Variants in MAP2K6 observed in about 807,000 individuals in gnomAD.
MAP2K6 encodes the protein dual specificity mitogen-activated protein kinase kinase 6.
Under a neutral mutation model 53.7 loss-of-function variants are expected in MAP2K6, and 16 were observed. That is an observed-to-expected ratio of 0.30 (90% CI 0.20 to 0.45). The LOEUF (loss-of-function observed/expected upper bound fraction) is 0.45, where lower values mean the gene tolerates loss of function less well. MAP2K6 is among the 20% of genes least tolerant of loss of function. The pLI, the probability that MAP2K6 is intolerant of heterozygous loss-of-function variation, is 1.00. For missense variants in MAP2K6, 204 were observed against 411.9 expected (o/e 0.50, Z 4.37); for synonymous variants, 132 against 143.1 (o/e 0.92, Z 0.55).
chr17:69,460,978 G>A (rs1390664966), intron 1 of MAP2K6, among the ~76,000 whole-genome samples: 1 of 152,192 alleles, frequency 6.6e-6, no homozygotes, highest in Non-Finnish European at 1.5e-5. Context: ...CACGGGGAAA[G>A]AATAGGCTGA....
chr17:69,524,203 A>C (rs896742959), intron 8 of MAP2K6, among the ~76,000 whole-genome samples: 10 of 152,110 alleles, frequency 6.6e-5, no homozygotes, highest in Non-Finnish European at 1.0e-4. Context: ...ACTTTAAAAA[A>C]ATCAAGTGAA....
At chr17:69,479,404 T>C (rs940051136) in intron 1 of MAP2K6, among the ~76,000 whole-genome samples, 20 of 152,252 alleles carry the variant, frequency 1.3e-4, no homozygotes, top group African/African-American at 4.6e-4. Flanking sequence ...ATTTAAAATA[T>C]TGTATAAAAT....
intron 1 of MAP2K6, among the ~76,000 whole-genome samples, chr17:69,499,358 G>A (rs374134725): frequency 1.3e-5 from 2 of 152,176 alleles, no homozygotes; most frequent in African/African-American, 2.4e-5. Flanking sequence ...GCTACACCCT[G>A]CTAGGCTTCT....
rs1487520719 is a variant in MAP2K6, at chr17:69,553,810, G to T, written c.*12057G>T. The T allele has an allele frequency of 6.6e-6, 1 of 152,306 alleles. No individual in the cohort carries two copies. Among genetic ancestry groups the T allele is most frequent in the African/African-American group, 2.4e-5 (1 of 41,562 alleles). The allele number at this position is 152,306 out of a possible 1,614,324, so 9.4% of individuals were successfully genotyped here. On this transcript the variant is annotated 3_prime_UTR_variant, in exon 12 of 12. Transcript: ENST00000590474. ...AGCAAAGTGTTCTTGAAAGAAAATG[G>T]TGTGTTGATCTCATAAGAAAATGTA...
chr17:69,550,560 G>A lies in MAP2K6; in HGVS notation c.*8807G>A, dbSNP rs1912055497. ...AGCCATGAATTATGGGGAAGGAGTA[G>A]TTTTTTATTTTATTTTATTTTTCTG... On this transcript the variant is annotated 3_prime_UTR_variant, in exon 12 of 12. Coordinates refer to ENST00000590474, the MANE Select transcript of MAP2K6 (RefSeq NM_002758.4). 1 of 152,184 alleles carries A rather than the reference G, an allele frequency of 6.6e-6. No individual in the cohort carries two copies. The highest frequency in any genetic ancestry group is 2.1e-4 in the South Asian group (1 of 4,828). 9.4% of individuals were successfully genotyped at this position (152,184 alleles called of 1,614,324 possible).
chr17:69,421,034 G>A, intron 1 of MAP2K6, among the ~76,000 whole-genome samples: 1 of 152,074 alleles, frequency 6.6e-6, no homozygotes. Context: ...GCCCTTGCTG[G>A]GTAACTAAAC....
At chr17:69,474,198 T>C (rs2521342) in intron 1 of MAP2K6, among the ~76,000 whole-genome samples, 76,566 of 152,050 alleles carry the variant, frequency 0.5, 19,958 homozygotes, top group East Asian at 0.84. Flanking sequence ...ATTAATTTTG[T>C]GTATTCTCTA....
At chr17:69,512,813 T>C (rs989175520) in intron 2 of MAP2K6, among the ~76,000 whole-genome samples, 1 of 152,202 alleles carries the variant, frequency 6.6e-6, no homozygotes, top group East Asian at 1.9e-4. Flanking sequence ...ACGCAGTCTC[T>C]TGCCCAAATA....
At position 69,516,844 on chromosome 17, in the gene MAP2K6, A is replaced by G. The variant is rs374573383; in HGVS notation, c.84-11A>G. ...GCTTATGTTTCTTCTTTTCCCCCTT[A>G]TCTTTCTTAGACCACCTCGAGATTT... On this transcript the variant is annotated splice_polypyrimidine_tract_variant and intron_variant, in intron 2 of 11. Transcript: ENST00000590474. 4 of 1,582,904 alleles carry G rather than the reference A, an allele frequency of 2.5e-6. No individual in the cohort carries two copies. In the African/African-American group the frequency reaches 5.4e-5, roughly 21 times the overall value.
At chr17:69,427,020 TATATC>T (rs1408398298) in intron 1 of MAP2K6, among the ~76,000 whole-genome samples, 2 of 152,204 alleles carry the variant, frequency 1.3e-5, no homozygotes, top group African/African-American at 4.8e-5. Context: ...GTTAAACAAG[TATATC>T]ATATCAACCA....
chr17:69,520,317 A>G lies in MAP2K6; in HGVS notation c.414A>G (p.Lys138=). 1 of 1,613,042 alleles carries G rather than the reference A, an allele frequency of 6.2e-7. No individual in the cohort carries two copies. The part of the protein sequence containing the change: ...CMELMDTSLD[K]FYKQVIDKGQ... ...AGCTCATGGATACATCACTAGATAAATTCTACAAACAAGTTATTGATAAAG... is the reference window on the plus strand; with the variant it reads ...AGCTCATGGATACATCACTAGATAAGTTCTACAAACAAGTTATTGATAAAG... Residue 138 remains lysine (K), a synonymous_variant, in exon 6 of 12, where the codon AAA becomes AAG. Coordinates refer to ENST00000590474, the MANE Select transcript of MAP2K6 (RefSeq NM_002758.4).
At chr17:69,477,372 T>A (rs2145187788) in intron 1 of MAP2K6, 1 of 152,318 alleles carries the variant, frequency 6.6e-6, no homozygotes, top group African/African-American at 2.4e-5. Context: ...CCACATGTTT[T>A]AGCTCCCAGG....
At chr17:69,431,848 G>T (rs1311765243) in intron 1 of MAP2K6, among the ~76,000 whole-genome samples, 5 of 152,146 alleles carry the variant, frequency 3.3e-5, no homozygotes, top group Admixed American at 6.5e-5. Flanking sequence ...AGTTGTTCCA[G>T]TACCCACCAT....
At chr17:69,454,423 T>G (rs1294356812) in intron 1 of MAP2K6, among the ~76,000 whole-genome samples, 1 of 152,224 alleles carries the variant, frequency 6.6e-6, no homozygotes. Flanking sequence ...CTTGCTCTGT[T>G]GCCCAGGCTG....
rs149558825 is a variant in MAP2K6 at position 69,456,838 on chromosome 17, C to A, written c.16+41838C>A. ...TCACTCTACAAATCCCTGCCCTGCACTGCTGCTGACTATCTTCCTACAACA... is the reference window on the plus strand; with the variant it reads ...TCACTCTACAAATCCCTGCCCTGCAATGCTGCTGACTATCTTCCTACAACA... On this transcript the variant is annotated intron_variant, in intron 1 of 11. Transcript: ENST00000590474. Among the ~76,000 whole-genome samples the A allele has an allele frequency of 2.6e-5, 4 of 152,332 alleles. No individual in the cohort carries two copies. The East Asian group carries it at 7.7e-4, about 29-fold the overall frequency.
chr17:69,508,014 A>G (rs1416345144), intron 2 of MAP2K6, among the ~76,000 whole-genome samples: 3 of 102,590 alleles, frequency 2.9e-5, no homozygotes, highest in Non-Finnish European at 6.1e-5. Flanking sequence ...CATTTTAGCT[A>G]TTCTGATGTG....
At chr17:69,536,261 G>C (rs1247355374) in intron 11 of MAP2K6, 101 bp downstream of exon 11, 1 of 829,160 alleles carries the variant, frequency 1.2e-6, no homozygotes, top group Admixed American at 2.1e-5. Flanking sequence ...TGGAAGAGTT[G>C]GTTCATTGAT....
chr17:69,502,246 G>A (rs938049766), intron 1 of MAP2K6: 2 of 985,278 alleles, frequency 2.0e-6, no homozygotes, highest in Admixed American at 6.2e-5. Context: ...ACTTGAGGAG[G>A]GGGTGGAGTC....
intron 1 of MAP2K6, among the ~76,000 whole-genome samples, chr17:69,451,173 A>G (rs557108931): frequency 2.8e-4 from 43 of 152,344 alleles, no homozygotes; most frequent in African/African-American, 8.4e-4. Context: ...GTCAGGGGCT[A>G]TCAGTGGTGT....
Sources: allele counts gnomAD v4.1 joint callset (sites outside exome capture counted in the v4.1 genomes callset), GRCh38; gene constraint gnomAD v4.1.1; transcripts MANE v1.5; gene names NCBI Gene and HGNC (gene_info 2026-07-23, HGNC 2026-07-21).